RNASEH2A: variants seen among roughly 807,000 people sequenced by gnomAD.
RNASEH2A encodes the protein ribonuclease H2 subunit A, also known as RNase H(35).
Under a neutral mutation model 32.7 loss-of-function variants are expected in RNASEH2A, and 30 were observed. The observed-to-expected ratio is 0.92, with a 90% CI of 0.69 to 1.25. The LOEUF (loss-of-function observed/expected upper bound fraction) is 1.25. Among genes scored for constraint, RNASEH2A ranks in the 50% most tolerant of loss-of-function variants. The probability of loss-of-function intolerance (pLI) is 0.00; values close to 1 mark genes in which losing one functional copy is unlikely to be tolerated. For synonymous variants in RNASEH2A, 147 were observed against 165.4 expected (o/e 0.89, Z 0.86); for missense variants, 409 against 398.1 (o/e 1.03, Z -0.23).
chr19:12,812,391 G>T (rs1969085889), intron 6 of RNASEH2A, among the ~76,000 whole-genome samples: 1 of 151,916 alleles, frequency 6.6e-6, no homozygotes, highest in Non-Finnish European at 1.5e-5. Context: ...AATTAGCCAG[G>T]TATGGTGGTG....
In RNASEH2A at chr19:12,813,122, C is replaced by T; in HGVS notation, c.677C>T (p.Pro226Leu). 6.2e-7 allele frequency: 1 copy of T among 1,614,142 alleles called. No homozygotes were observed. The highest frequency in any genetic ancestry group is 8.5e-7 in the Non-Finnish European group (1 of 1,180,030). ...GCGTGGTTGAAGGAGCACGTGGAGC[C>T]TGTGTTCGGCTTCCCCCAGTTTGTC... ...TKAWLKEHVE[P>L]VFGFPQFVRF... The change falls in exon 7 of 8, where the codon CCT becomes CTT. Residue 226 changes from proline (P) to leucine (L), a missense_variant. By Grantham distance (98) the Pro-to-Leu change is moderately conservative. Transcript: ENST00000221486.
intron 6 of RNASEH2A, among the ~76,000 whole-genome samples, chr19:12,812,105 G>T (rs1025589493): frequency 4.0e-5 from 6 of 151,364 alleles, no homozygotes; most frequent in African/African-American, 9.7e-5. Context: ...GTGGTGGTGC[G>T]CACCTGTAGT....
In RNASEH2A at chr19:12,809,992, G is replaced by T. The variant is rs1969049517; in HGVS notation, c.412-79G>T. On this transcript the variant is annotated intron_variant, in intron 4 of 7. Transcript: ENST00000221486. ...TGGAGAAGAGGATTCTGGGTAGCAGGAAGAACGTGCCAGGGCTGTGAGGCT... is the reference window on the plus strand; with the variant it reads ...TGGAGAAGAGGATTCTGGGTAGCAGTAAGAACGTGCCAGGGCTGTGAGGCT... 17 of 1,580,322 alleles carry T rather than the reference G, an allele frequency of 1.1e-5. No homozygotes were observed. In the South Asian group the frequency reaches 1.8e-4, roughly 17 times the overall value.
At chr19:12,807,367 A>G (rs1969009866) in intron 3 of RNASEH2A, 38 bp downstream of exon 3, 1 of 1,614,058 alleles carries the variant, frequency 6.2e-7, no homozygotes, top group African/African-American at 1.3e-5. Context: ...GCATGGGCTG[A>G]CCAAGCTTTG....
chr19:12,811,953 AC>A (rs1460883747), intron 6 of RNASEH2A, among the ~76,000 whole-genome samples: 17 of 150,490 alleles, frequency 1.1e-4, no homozygotes, highest in Non-Finnish European at 3.0e-5. Context: ...ATATTTAATG[AC>A]AGGCTGGGCC....
At chr19:12,811,781 G>A (rs1278533050) in intron 6 of RNASEH2A, among the ~76,000 whole-genome samples, 1 of 151,952 alleles carries the variant, frequency 6.6e-6, no homozygotes, top group Non-Finnish European at 1.5e-5. Flanking sequence ...GCTGGACGTG[G>A]TGGCACACGC....
chr19:12,807,603 G>T, intron 4 of RNASEH2A, 97 bp downstream of exon 4: 1 of 1,029,120 alleles, frequency 9.7e-7, no homozygotes, highest in Non-Finnish European at 1.5e-6. Context: ...TCATGCCACA[G>T]CACTCCATCC....
intron 6 of RNASEH2A, among the ~76,000 whole-genome samples, chr19:12,812,601 C>T (rs1969089409): frequency 6.6e-6 from 1 of 152,150 alleles, no homozygotes; most frequent in Admixed American, 6.6e-5. Context: ...GTCTCAGAGG[C>T]AGTCTCCCTG....
intron 6 of RNASEH2A, 46 bp downstream of exon 6, chr19:12,810,450 C>A: frequency 6.9e-7 from 1 of 1,439,584 alleles, no homozygotes; most frequent in Non-Finnish European, 9.8e-7. Context: ...ATGGCCAGGG[C>A]TGAGCACACT....
Position 12,813,131 on chromosome 19 carries a change from G to C in RNASEH2A, c.686G>C (p.Gly229Ala). 6.2e-7 allele frequency: 1 copy of C among 1,614,128 alleles called. No homozygotes were observed. The highest frequency in any genetic ancestry group is 8.5e-7 in the Non-Finnish European group (1 of 1,180,016). The change falls in exon 7 of 8, where the codon GGC (glycine) becomes GCC (alanine). Residue 229 changes from glycine (G) to alanine (A), a missense_variant. Transcript: ENST00000221486. ...AAGGAGCACGTGGAGCCTGTGTTCG[G>C]CTTCCCCCAGTTTGTCCGGTTCAGC... ...WLKEHVEPVF[G>A]FPQFVRFSWR...
chr19:12,813,192 G>C lies in RNASEH2A; in HGVS notation c.747G>C (p.Ala249=), dbSNP rs144494263. The C allele has an allele frequency of 1.2e-6, 2 of 1,613,816 alleles. No homozygotes were observed. Among genetic ancestry groups the C allele is most frequent in the Non-Finnish European group, 8.5e-7 (1 of 1,179,954 alleles). ...RTAQTILEKE[A]EDVIWEDSAS... ...CCCAGACCATCCTGGAGAAAGAGGC[G>C]GAAGATGTTATATGGTGGGTGTCAT... is the stretch of plus-strand genomic sequence containing the variant. Residue 249 remains alanine, a synonymous_variant, in exon 7 of 8, where the codon GCG becomes GCC. Transcript: ENST00000221486.
At chr19:12,808,346 C>T (rs982817348) in intron 4 of RNASEH2A, among the ~76,000 whole-genome samples, 1 of 152,212 alleles carries the variant, frequency 6.6e-6, no homozygotes, top group Non-Finnish European at 1.5e-5. Flanking sequence ...TTCATTGCTA[C>T]TGTTGATTTC....
rs11554400 is a variant in RNASEH2A, at chr19:12,806,706, A to G, written c.33A>G (p.Thr11=). MDLSELERDN[T]GRCRLSSPVP... is the part of the protein sequence containing the mutation. ...TCAGCGAGCTGGAGAGAGACAATAC[A>G]GGCCGCTGTCGCCTGAGTTCGCCTG... Residue 11 remains threonine (T), a synonymous_variant, in exon 1 of 8, where the codon ACA becomes ACG. Transcript: ENST00000221486. The G allele has an allele frequency of 0.039, 61,814 of 1,570,774 alleles. 1,884 individuals are homozygous for G. Among genetic ancestry groups the G allele is most frequent in the African/African-American group, 0.15 (10,961 of 74,134 alleles).
At position 12,807,511 on chromosome 19, in the gene RNASEH2A, G is replaced by A; in HGVS notation, c.411+5G>A. 1 of 1,612,388 alleles carries A rather than the reference G, an allele frequency of 6.2e-7. No individual in the cohort carries two copies. The highest frequency in any genetic ancestry group is 1.7e-4 in the Middle Eastern group (1 of 6,056). ...CAGGGCGTGAACGTCACCCAGGTGA[G>A]TTAACTGTAAGTTGTCCCCATTTGG... is the stretch of plus-strand genomic sequence containing the variant. On this transcript the variant is annotated splice_donor_5th_base_variant and intron_variant, in intron 4 of 7. Coordinates refer to ENST00000221486, the MANE Select transcript of RNASEH2A (RefSeq NM_006397.3).
rs1969099251 is a variant in RNASEH2A at position 12,813,218 on chromosome 19, G to T, written c.761+12G>T. ...GAAGATGTTATATGGTGGGTGTCAT[G>T]GATGTCCTGGGGGTGCTATAGGGAA... is the stretch of plus-strand genomic sequence containing the variant. On this transcript the variant is annotated intron_variant, in intron 7 of 7. Coordinates refer to ENST00000221486, the MANE Select transcript of RNASEH2A (RefSeq NM_006397.3). 3.7e-6 allele frequency: 6 copies of T among 1,613,898 alleles called. No individual in the cohort carries two copies. The South Asian group carries it at 5.5e-5, about 15-fold the overall frequency.
At chr19:12,811,787 C>T (rs998953388) in intron 6 of RNASEH2A, among the ~76,000 whole-genome samples, 1 of 151,804 alleles carries the variant, frequency 6.6e-6, no homozygotes, top group Non-Finnish European at 1.5e-5. Flanking sequence ...CGTGGTGGCA[C>T]ACGCCCGTAA....
rs752708054 is a variant in RNASEH2A, at chr19:12,810,378, C to T, written c.611C>T (p.Thr204Ile). ...GTGGAGAAACTGCAGGACTTGGATA[C>T]TGATTATGGCTCAGGCTACCCCAAT... ...QFVEKLQDLD[T>I]DYGSGYPNDP... The change falls in exon 6 of 8, where the codon ACT (threonine) becomes ATT (isoleucine). Residue 204 changes from threonine to isoleucine, a missense_variant. By Grantham distance (89) the Thr-to-Ile change is moderately conservative (BLOSUM62 -1). Coordinates refer to ENST00000221486, the MANE Select transcript of RNASEH2A (RefSeq NM_006397.3). 3 of 1,614,162 alleles carry T rather than the reference C, an allele frequency of 1.9e-6. No homozygotes were observed. In the South Asian group the frequency reaches 3.3e-5, roughly 18 times the overall value.
Position 12,807,039 on chromosome 19 carries a change from C to T in RNASEH2A, c.159C>T (p.Pro53=). ...GPMVYAICYC[P]LPRLADLEAL... ...TGGTCTACGCCATCTGTTATTGTCC[C>T]CTGCCTCGCCTGGCAGATCTGGAGG... Residue 53 remains proline (P), a synonymous_variant, in exon 2 of 8, where the codon CCC becomes CCT. Coordinates refer to ENST00000221486, the MANE Select transcript of RNASEH2A (RefSeq NM_006397.3). 3.1e-6 allele frequency: 5 copies of T among 1,614,130 alleles called. No individual in the cohort carries two copies. Among genetic ancestry groups the T allele is most frequent in the East Asian group, 2.2e-5 (1 of 44,876 alleles).
Position 12,807,018 on chromosome 19 carries a change from C to T in RNASEH2A, c.138C>T (p.Val46=), listed in dbSNP as rs756073262. The change falls in exon 2 of 8, where the codon GTC becomes GTT. Residue 46 remains valine, a synonymous_variant. Coordinates refer to ENST00000221486, the MANE Select transcript of RNASEH2A (RefSeq NM_006397.3). ...ACCCCTTCTCCCCAGGCCCCATGGT[C>T]TACGCCATCTGTTATTGTCCCCTGC... is the stretch of plus-strand genomic sequence containing the variant. The part of the protein sequence containing the change: ...AGRGPVLGPM[V]YAICYCPLPR... 1.9e-6 allele frequency: 3 copies of T among 1,613,894 alleles called. No homozygotes were observed. Among genetic ancestry groups the T allele is most frequent in the Non-Finnish European group, 1.7e-6 (2 of 1,180,010 alleles).
Sources: gnomAD v4.1 joint callset for allele counts (sites outside exome capture counted in the v4.1 genomes callset) on GRCh38, gnomAD v4.1.1 for gene constraint, MANE v1.5 for transcripts, NCBI Gene and HGNC (gene_info 2026-07-23, HGNC 2026-07-21) for gene names.